Variants in FUT8 observed in about 807,000 individuals in gnomAD.
FUT8 encodes the protein fucosyltransferase 8.
A neutral mutation model predicts 71.3 loss-of-function variants in FUT8; 29 were observed. The ratio of observed to expected loss-of-function variants is 0.41; its 90% CI spans 0.30 to 0.55. The LOEUF (loss-of-function observed/expected upper bound fraction) is 0.55, where lower values mean the gene tolerates loss of function less well. Among genes scored for constraint, FUT8 ranks in the 20% least tolerant of loss-of-function variants. FUT8 has a pLI of 0.34. For missense variants in FUT8, 544 were observed against 702.1 expected (o/e 0.77, Z 2.55); for synonymous variants, 254 against 239.3 (o/e 1.06, Z -0.57).
At chr14:65,428,027 A>G (rs1211515195) in intron 1 of FUT8, among the ~76,000 whole-genome samples, 1 of 152,242 alleles carries the variant, frequency 6.6e-6, no homozygotes. Flanking sequence ...ACTTGGAATC[A>G]GGAGACTTGG....
chr14:65,690,656 G>A (rs1315932028), intron 7 of FUT8, among the ~76,000 whole-genome samples: 3 of 146,756 alleles, frequency 2.0e-5, no homozygotes, highest in African/African-American at 5.1e-5. Flanking sequence ...TCTCATTCTT[G>A]TGCTAATGTA....
rs989369792 is a variant in FUT8 at position 65,706,974 on chromosome 14, G to A, written c.836-14801G>A. On this transcript the variant is annotated intron_variant, in intron 7 of 10. Coordinates refer to ENST00000673929, the MANE Select transcript of FUT8 (RefSeq NM_001371533.1). ...TATGTGTGATTTTTACATATGAAAC[G>A]TTTTCTTGCTGGAAGGTTGGTATGG... 6.6e-5 allele frequency among the ~76,000 whole-genome samples: 10 copies of A among 152,198 alleles called. No individual in the cohort carries two copies. In the East Asian group the frequency reaches 1.5e-3, roughly 23 times the overall value.
At position 65,531,474 on chromosome 14, in the gene FUT8, T is replaced by TA. The variant is rs967390841; in HGVS notation, c.-227-29854dup. ...CATCAGAATTGTACATTGTGAGTCT[T>TA]AAAAAAAAATGAGGAAATGTAGAGC... On this transcript the variant is annotated intron_variant, in intron 2 of 10. Coordinates refer to ENST00000673929, the MANE Select transcript of FUT8 (RefSeq NM_001371533.1). Among the ~76,000 whole-genome samples, 19 of 151,160 alleles carry TA rather than the reference T, an allele frequency of 1.3e-4. No homozygotes were observed. The East Asian group carries it at 1.4e-3, about 11-fold the overall frequency.
rs1886208776 is a variant in FUT8, at chr14:65,566,596, TG to T, written c.203+4831del. 1.3e-5 allele frequency among the ~76,000 whole-genome samples: 2 copies of T among 151,972 alleles called. 1 individual carries two copies. The highest frequency in any genetic ancestry group is 4.1e-4 in the South Asian group (2 of 4,834). On this transcript the variant is annotated intron_variant, in intron 3 of 10. Coordinates refer to ENST00000673929, the MANE Select transcript of FUT8 (RefSeq NM_001371533.1). Reference sequence around the variant, plus strand: ...GATTTTCAGGTGGATTTGGTGCATGTGCCAGATTGGAGTTAAGATATTTCTT... The same window carrying T: ...GATTTTCAGGTGGATTTGGTGCATGTCCAGATTGGAGTTAAGATATTTCTT...
chr14:65,644,583 G>A (rs546591826), intron 6 of FUT8, among the ~76,000 whole-genome samples: 35 of 151,986 alleles, frequency 2.3e-4, no homozygotes, highest in South Asian at 4.2e-4. Context: ...GGATGGTCTC[G>A]ATCTCCTGAC....
At chr14:65,610,120 T>C (rs1363780037) in intron 3 of FUT8, among the ~76,000 whole-genome samples, 1 of 151,978 alleles carries the variant, frequency 6.6e-6, no homozygotes, top group East Asian at 1.9e-4. Flanking sequence ...ATTTTCAACA[T>C]AGATTATCAT....
In FUT8 at chr14:65,607,826, G is replaced by A. The variant is rs1010150853; in HGVS notation, c.204-8152G>A. 6.6e-6 allele frequency among the ~76,000 whole-genome samples: 1 copy of A among 151,768 alleles called. No individual in the cohort carries two copies. On this transcript the variant is annotated intron_variant, in intron 3 of 10. Coordinates refer to ENST00000673929, the MANE Select transcript of FUT8 (RefSeq NM_001371533.1). This position sits in a 1 kb window ranked among gnomAD's most constrained non-coding sequence, Gnocchi z 4.1. ...TGCCTGTAATCCCAGCACTTTGGGAGGCTGAAGTGGGCAGATCATGAGGTC... is the reference window on the plus strand; with the variant it reads ...TGCCTGTAATCCCAGCACTTTGGGAAGCTGAAGTGGGCAGATCATGAGGTC...
intron 6 of FUT8, among the ~76,000 whole-genome samples, chr14:65,658,213 T>TA (rs1197189537): frequency 6.6e-6 from 1 of 152,122 alleles, no homozygotes; most frequent in Non-Finnish European, 1.5e-5. Context: ...TGAAAAATGT[T>TA]AAAAAATCAT....
intron 2 of FUT8, among the ~76,000 whole-genome samples, chr14:65,490,895 A>G (rs1326175412): frequency 1.3e-5 from 2 of 152,154 alleles, no homozygotes; most frequent in African/African-American, 2.4e-5. Flanking sequence ...ATACAATAAC[A>G]TATCTTGGAT....
At chr14:65,485,180 A>C (rs994013801) in intron 2 of FUT8, among the ~76,000 whole-genome samples, 6 of 152,154 alleles carry the variant, frequency 3.9e-5, no homozygotes, top group African/African-American at 1.4e-4. Flanking sequence ...CTATTAAAAA[A>C]AATAATAATA....
intron 3 of FUT8, among the ~76,000 whole-genome samples, chr14:65,590,754 G>T (rs1887642002): frequency 6.6e-6 from 1 of 152,138 alleles, no homozygotes; most frequent in African/African-American, 2.4e-5. Flanking sequence ...TAGTCTCCTG[G>T]TATTTGTTGG....
the FUT8 span, among the ~76,000 whole-genome samples, chr14:65,360,273 G>A: frequency 3.3e-5 from 5 of 152,322 alleles, no homozygotes; most frequent in African/African-American, 1.2e-4. Context: ...TGTCAGTCTT[G>A]CCATTAGCTG....
rs986529590 is a variant in FUT8, at chr14:65,669,706, C to G, written c.835+226C>G. On this transcript the variant is annotated intron_variant, in intron 7 of 10. Transcript: ENST00000673929. This position sits in a 1 kb window ranked among gnomAD's most constrained non-coding sequence, Gnocchi z 4.5. ...TTTTTATGTGAATTTAGCAAAATCACTGAGTTTTTTTCAGGGAGCATAATT... is the reference window on the plus strand; with the variant it reads ...TTTTTATGTGAATTTAGCAAAATCAGTGAGTTTTTTTCAGGGAGCATAATT... Among the ~76,000 whole-genome samples the G allele has an allele frequency of 4.6e-5, 7 of 152,068 alleles. No individual in the cohort carries two copies. Among genetic ancestry groups the G allele is most frequent in the Non-Finnish European group, 1.0e-4 (7 of 68,010 alleles).
chr14:65,474,941 G>A (rs1295866259), intron 2 of FUT8, among the ~76,000 whole-genome samples: 3 of 152,070 alleles, frequency 2.0e-5, no homozygotes, highest in East Asian at 1.9e-4. Flanking sequence ...CTCCTGCCTC[G>A]GCCTTCCAAA....
intron 6 of FUT8, among the ~76,000 whole-genome samples, chr14:65,650,218 G>C (rs1210353835): frequency 7.4e-6 from 1 of 136,054 alleles, no homozygotes; most frequent in South Asian, 2.4e-4. Context: ...AGAATGGCGT[G>C]AACCTGGGAG....
At chr14:65,369,813 C>G in the FUT8 span, among the ~76,000 whole-genome samples, 3 of 152,148 alleles carry the variant, frequency 2.0e-5, no homozygotes, top group Admixed American at 1.3e-4. The surrounding 1 kb of genome is among the most constrained non-coding windows in gnomAD (Gnocchi z 4.6). Context: ...GGCATATAAT[C>G]CAGAAATGAC....
chr14:65,633,150 C>T (rs937112151), intron 6 of FUT8, among the ~76,000 whole-genome samples: 139 of 152,234 alleles, frequency 9.1e-4, no homozygotes, highest in African/African-American at 2.9e-3. Flanking sequence ...TGCCGAGTGC[C>T]TGCGATTGCA....
chr14:65,737,076 A>G (rs1387287231), intron 10 of FUT8, among the ~76,000 whole-genome samples: 1 of 152,128 alleles, frequency 6.6e-6, no homozygotes, highest in Non-Finnish European at 1.5e-5. Context: ...CAAAAATGTC[A>G]TGGGACCTTA....
At chr14:65,474,929 T>C (rs943522599) in intron 2 of FUT8, among the ~76,000 whole-genome samples, 4 of 152,226 alleles carry the variant, frequency 2.6e-5, no homozygotes, top group African/African-American at 9.6e-5. Context: ...GCTCAAGCAG[T>C]CCTCCTGCCT....
Sources: allele counts gnomAD v4.1 joint callset (sites outside exome capture counted in the v4.1 genomes callset), GRCh38; gene constraint gnomAD v4.1.1; non-coding constraint Gnocchi (gnomAD v3.1); transcripts MANE v1.5; gene names NCBI Gene and HGNC (gene_info 2026-07-23, HGNC 2026-07-21).